The following FHIT variants were observed in gnomAD, a reference collection of about 807,000 sequenced individuals.
FHIT encodes fragile histidine triad diadenosine triphosphatase.
In FHIT, 19 loss-of-function variants were observed where a neutral mutation model predicts 17.9. The ratio of observed to expected loss-of-function variants is 1.06; its 90% CI spans 0.74 to 1.56. The LOEUF is 1.56. FHIT is among the 40% of genes most tolerant of loss of function. FHIT has a pLI of 0.00. For missense variants in FHIT, 248 were observed against 189.2 expected, an observed-to-expected ratio of 1.31 and a Z score of -1.82; for synonymous variants, 81 against 69.7, an observed-to-expected ratio of 1.16 and a Z score of -0.81.
intron 5 of FHIT, among the ~76,000 whole-genome samples, chr3:60,191,178 A>G (rs1230794763): frequency 6.6e-6 from 1 of 152,214 alleles, no homozygotes; most frequent in African/African-American, 2.4e-5. Context: ...AAAACAGCAC[A>G]GTGGTGTATA....
At chr3:60,032,047 T>A (rs1575933542) in intron 5 of FHIT, among the ~76,000 whole-genome samples, 1 of 152,294 alleles carries the variant, frequency 6.6e-6, no homozygotes. Context: ...ACAATTACTA[T>A]CACACAATTA....
In FHIT at chr3:59,913,976, G is replaced by A. The variant is rs114309581; in HGVS notation, c.348+8370C>T. 7.5e-3 allele frequency among the ~76,000 whole-genome samples: 1,147 copies of A among 152,272 alleles called. 6 individuals carry two copies. Among genetic ancestry groups the A allele is most frequent in the African/African-American group, 0.024 (982 of 41,556 alleles). On this transcript the variant is annotated intron_variant, in intron 8 of 9. Coordinates refer to ENST00000492590, the MANE Select transcript of FHIT (RefSeq NM_002012.4). The stretch of plus-strand genomic sequence containing the variant: ...AAGGTCATAACAGTCTCCACAAACA[G>A]CTGCTTGCCAGTAAGCTGAAGCAGT...
intron 5 of FHIT, among the ~76,000 whole-genome samples, chr3:60,535,622 C>T (rs562153581): frequency 2.1e-4 from 32 of 151,096 alleles, no homozygotes; most frequent in Admixed American, 1.6e-3. Flanking sequence ...AAATAGTTTT[C>T]TAATATTATT....
chr3:61,012,571 GT>G (rs1348269479), intron 3 of FHIT, among the ~76,000 whole-genome samples: 2 of 151,776 alleles, frequency 1.3e-5, no homozygotes, highest in Non-Finnish European at 2.9e-5. Context: ...GCTAAATCCT[GT>G]TTTGTTTTGA....
chr3:60,315,833 A>C (rs751003676), intron 5 of FHIT, among the ~76,000 whole-genome samples: 1 of 152,206 alleles, frequency 6.6e-6, no homozygotes, highest in Non-Finnish European at 1.5e-5. Context: ...GCTGGATCGC[A>C]GGGCAGTGCA....
chr3:60,765,238 T>C (rs1228408819), intron 4 of FHIT, among the ~76,000 whole-genome samples: 23 of 152,148 alleles, frequency 1.5e-4, no homozygotes, highest in African/African-American at 5.3e-4. Flanking sequence ...ACCTTGAAAA[T>C]CATGAGGAAA....
In FHIT at chr3:59,937,829, G is replaced by A. The variant is rs986514351; in HGVS notation, c.280-15415C>T. Among the ~76,000 whole-genome samples, 3 of 152,184 alleles carry A rather than the reference G, an allele frequency of 2.0e-5. No homozygotes were observed. In the East Asian group the frequency reaches 5.8e-4, roughly 29 times the overall value. The stretch of plus-strand genomic sequence containing the variant: ...TAATCCAAATCCTGCTTTTCTCTTG[G>A]TACATATGCTTTGTTGCTTCTTGAC... On this transcript the variant is annotated intron_variant, in intron 7 of 9. Transcript: ENST00000492590.
intron 7 of FHIT, among the ~76,000 whole-genome samples, chr3:59,957,166 G>A (rs947507031): frequency 2.0e-5 from 3 of 152,208 alleles, no homozygotes; most frequent in African/African-American, 7.2e-5. Flanking sequence ...TTTAATTGGA[G>A]GCAGGGGCTT....
intron 8 of FHIT, among the ~76,000 whole-genome samples, chr3:59,787,730 A>G (rs149323381): frequency 6.6e-6 from 1 of 152,186 alleles, no homozygotes; most frequent in African/African-American, 2.4e-5. Flanking sequence ...TTATAACCCA[A>G]TGATGTAGGC....
chr3:60,207,033 A>G (rs1347851539), intron 5 of FHIT, among the ~76,000 whole-genome samples: 1 of 152,272 alleles, frequency 6.6e-6, no homozygotes, highest in Admixed American at 6.5e-5. Context: ...GATGAAAGTG[A>G]TCTTTAGAGA....
chr3:60,124,065 G>GAGAGAGAGAC (rs1553691058), intron 5 of FHIT, among the ~76,000 whole-genome samples: 10 of 108,282 alleles, frequency 9.2e-5, no homozygotes, highest in East Asian at 2.5e-4. Context: ...GACAGAGAGA[G>GAGAGAGAGAC]AGAGAGATAC....
intron 2 of FHIT, among the ~76,000 whole-genome samples, chr3:61,178,226 T>C (rs1311332903): frequency 2.0e-5 from 3 of 152,080 alleles, no homozygotes; most frequent in African/African-American, 7.2e-5. Flanking sequence ...TTCTGTTGAA[T>C]GAAACCATTA....
chr3:60,325,644 A>G (rs1261325132), intron 5 of FHIT, among the ~76,000 whole-genome samples: 1 of 152,242 alleles, frequency 6.6e-6, no homozygotes, highest in Non-Finnish European at 1.5e-5. Flanking sequence ...AATGATGTAG[A>G]TATAAAGCTA....
At chr3:60,796,595 T>C (rs1017679940) in intron 4 of FHIT, among the ~76,000 whole-genome samples, 1 of 152,160 alleles carries the variant, frequency 6.6e-6, no homozygotes, top group Non-Finnish European at 1.5e-5. Flanking sequence ...TTTGTTTGTT[T>C]GTTTTGAGAT....
chr3:60,236,806 C>T (rs527274004), intron 5 of FHIT, among the ~76,000 whole-genome samples: 3 of 152,114 alleles, frequency 2.0e-5, no homozygotes, highest in South Asian at 2.1e-4. Flanking sequence ...CCTTTTAATC[C>T]ACTTTCCTCC....
chr3:60,509,975 C>A (rs138414586), intron 5 of FHIT, among the ~76,000 whole-genome samples: 1 of 152,144 alleles, frequency 6.6e-6, no homozygotes, highest in African/African-American at 2.4e-5. Context: ...TGATACAAAC[C>A]CTAGCAGCTT....
intron 7 of FHIT, among the ~76,000 whole-genome samples, chr3:60,011,053 G>A (rs893661679): frequency 6.6e-6 from 1 of 152,190 alleles, no homozygotes; most frequent in Admixed American, 6.5e-5. Context: ...CCCACAGGAA[G>A]CTCACATGCT....
rs371966919 is a variant in FHIT, at chr3:60,536,965, C to G, written c.-3G>C. On this transcript the variant is annotated 5_prime_UTR_variant, in exon 5 of 10. Transcript: ENST00000492590. ...TGTTGGCCAAATCTGAACGACATGT[C>G]CTCACAGTTGAAGTCTAAAAGAAAA... 2.6e-4 allele frequency: 419 copies of G among 1,605,588 alleles called. 1 individual carries two copies. The highest frequency in any genetic ancestry group is 3.5e-4 in the Non-Finnish European group (414 of 1,176,950).
chr3:60,704,047 G>A (rs112839013), intron 4 of FHIT, among the ~76,000 whole-genome samples: 81 of 152,118 alleles, frequency 5.3e-4, no homozygotes, highest in African/African-American at 1.9e-3. Context: ...ACCAAGGGAA[G>A]CTAAGAGGGT....
Sources: gnomAD v4.1 joint callset for allele counts (sites outside exome capture counted in the v4.1 genomes callset) on GRCh38, gnomAD v4.1.1 for gene constraint, MANE v1.5 for transcripts, NCBI Gene and HGNC (gene_info 2026-07-23, HGNC 2026-07-21) for gene names.